Variants in PLPPR5 observed in about 807,000 individuals in gnomAD.
PLPPR5 encodes the protein phospholipid phosphatase-related protein type 5.
In PLPPR5, 16 loss-of-function variants were observed where a neutral mutation model predicts 33.9. The observed-to-expected ratio is 0.47, with a 90% confidence interval of 0.32 to 0.72. PLPPR5 has a LOEUF of 0.72. Among genes scored for constraint, PLPPR5 ranks in the 30% least tolerant of loss-of-function variants. The pLI is 0.03. For missense variants in PLPPR5, 301 were observed against 406.7 expected, an observed-to-expected ratio of 0.74 and a Z score of 2.23; for synonymous variants, 163 against 150.3, an observed-to-expected ratio of 1.08 and a Z score of -0.62.
intron 1 of PLPPR5, among the ~76,000 whole-genome samples, chr1:98,978,115 CA>C (rs1472655364): frequency 6.6e-6 from 1 of 151,926 alleles, no homozygotes; most frequent in African/African-American, 2.4e-5. Flanking sequence ...CTGGCATCGA[CA>C]ATGATTACAT....
intron 1 of PLPPR5, among the ~76,000 whole-genome samples, chr1:98,989,152 T>C (rs1224365611): frequency 1.6e-4 from 25 of 152,104 alleles, no homozygotes; most frequent in Admixed American, 1.5e-3. Context: ...AGGAACTCAG[T>C]TGCAAAAAGT....
intron 1 of PLPPR5, among the ~76,000 whole-genome samples, chr1:99,003,167 A>G (rs1285030188): frequency 6.7e-6 from 1 of 148,770 alleles, no homozygotes; most frequent in Non-Finnish European, 1.5e-5. Context: ...GAAGTCAACT[A>G]TCACAGGACA....
chr1:98,916,693 A>G (rs1285883376), intron 4 of PLPPR5, among the ~76,000 whole-genome samples: 1 of 152,226 alleles, frequency 6.6e-6, no homozygotes, highest in Non-Finnish European at 1.5e-5. Context: ...CACTGCTCTA[A>G]AATACAAAGG....
intron 1 of PLPPR5, among the ~76,000 whole-genome samples, chr1:99,001,478 C>T (rs1310155689): frequency 6.6e-6 from 1 of 151,606 alleles, no homozygotes; most frequent in African/African-American, 2.4e-5. Context: ...GGATTTAAAT[C>T]CAAATTTACT....
chr1:98,984,289 C>T (rs1466464502), intron 1 of PLPPR5, among the ~76,000 whole-genome samples: 2 of 151,954 alleles, frequency 1.3e-5, no homozygotes, highest in Non-Finnish European at 2.9e-5. Flanking sequence ...GCAGTCTTTC[C>T]CTCCTAGGAT....
At chr1:98,998,215 T>C (rs562848106) in intron 1 of PLPPR5, among the ~76,000 whole-genome samples, 9 of 151,718 alleles carry the variant, frequency 5.9e-5, no homozygotes, top group South Asian at 2.1e-4. Flanking sequence ...CAAGAAGGAG[T>C]CACTGCACCC....
At chr1:98,990,310 A>G (rs1027817325) in intron 1 of PLPPR5, among the ~76,000 whole-genome samples, 7 of 152,180 alleles carry the variant, frequency 4.6e-5, no homozygotes, top group Non-Finnish European at 1.0e-4. Context: ...TGGAGGTTAC[A>G]GTGAGCTGAG....
rs896615083 is a variant in PLPPR5 at position 98,892,466 on chromosome 1, TATGA to T, written c.*602_*605del. 2.0e-5 allele frequency: 3 copies of T among 152,552 alleles called. No homozygotes were observed. The highest frequency in any genetic ancestry group is 7.2e-5 in the African/African-American group (3 of 41,424). The allele number at this position is 152,552 out of a possible 1,614,324, so 9.4% of individuals were successfully genotyped here. On this transcript the variant is annotated 3_prime_UTR_variant, in exon 6 of 6. Coordinates refer to ENST00000263177, the MANE Select transcript of PLPPR5 (RefSeq NM_001037317.2). ...GAAGCACCAGTCTTAGAATGTATAGTATGAATAGTATTTTAAGTGAAATATAACA... is the reference window on the plus strand; with the variant it reads ...GAAGCACCAGTCTTAGAATGTATAGTATAGTATTTTAAGTGAAATATAACA...
intron 5 of PLPPR5, among the ~76,000 whole-genome samples, chr1:98,911,098 G>T (rs1029517252): frequency 5.3e-5 from 8 of 152,064 alleles, no homozygotes; most frequent in Non-Finnish European, 1.2e-4. Flanking sequence ...AGTTACAAAG[G>T]CAAGCCTGAG....
chr1:98,996,246 C>T (rs1652629220), intron 1 of PLPPR5, among the ~76,000 whole-genome samples: 1 of 151,970 alleles, frequency 6.6e-6, no homozygotes, highest in Non-Finnish European at 1.5e-5. Context: ...ATACAAGAAA[C>T]TACAAATGTA....
At chr1:98,957,079 C>G (rs968053440) in intron 1 of PLPPR5, among the ~76,000 whole-genome samples, 1 of 150,994 alleles carries the variant, frequency 6.6e-6, no homozygotes, top group Non-Finnish European at 1.5e-5. Flanking sequence ...AGTAAACTAT[C>G]GCAAGAACAA....
At chr1:98,911,837 G>A (rs1028783629) in intron 5 of PLPPR5, among the ~76,000 whole-genome samples, 3 of 151,874 alleles carry the variant, frequency 2.0e-5, no homozygotes, top group African/African-American at 7.3e-5. Context: ...ATAGTGCACT[G>A]CAGCCTTGAA....
intron 1 of PLPPR5, among the ~76,000 whole-genome samples, chr1:98,993,445 A>C (rs1367838628): frequency 1.3e-5 from 2 of 152,122 alleles, no homozygotes; most frequent in Non-Finnish European, 2.9e-5. Context: ...CAGAGAGAAG[A>C]GGAAATAAAG....
At chr1:98,970,286 C>G (rs1195685304) in intron 1 of PLPPR5, among the ~76,000 whole-genome samples, 3 of 152,012 alleles carry the variant, frequency 2.0e-5, no homozygotes, top group Non-Finnish European at 4.4e-5. Flanking sequence ...AACATAAACT[C>G]ATTTTGCAGT....
At position 99,004,351 on chromosome 1, in the gene PLPPR5, C is replaced by T. The variant is rs141995032; in HGVS notation, c.237+84G>A. 5.4e-4 allele frequency: 664 copies of T among 1,220,844 alleles called. 5 individuals are homozygous for T. In the East Asian group the frequency reaches 0.012, roughly 23 times the overall value. The allele number at this position is 1,220,844 out of a possible 1,614,324, so 75.6% of individuals were successfully genotyped here. A position where few individuals can be genotyped will look rare whatever the true frequency, so the allele number is the denominator to read the frequency against. ...ACTTAGAAGGCAAAACCTACTGCGCCCCAACCCTTAGAGGGGCCTCAACCC... is the reference window on the plus strand; with the variant it reads ...ACTTAGAAGGCAAAACCTACTGCGCTCCAACCCTTAGAGGGGCCTCAACCC... On this transcript the variant is annotated intron_variant, in intron 1 of 5. Coordinates refer to ENST00000263177, the MANE Select transcript of PLPPR5 (RefSeq NM_001037317.2).
At chr1:98,943,614 A>C (rs1650456118) in intron 3 of PLPPR5, among the ~76,000 whole-genome samples, 1 of 152,212 alleles carries the variant, frequency 6.6e-6, no homozygotes, top group African/African-American at 2.4e-5. Flanking sequence ...ACAATACTTG[A>C]CAAGAGGAGT....
chr1:98,920,053 G>A (rs1649488307), intron 4 of PLPPR5, among the ~76,000 whole-genome samples: 1 of 152,116 alleles, frequency 6.6e-6, no homozygotes, highest in South Asian at 2.1e-4. Flanking sequence ...TTTCCTGAGA[G>A]TATGGGAATG....
chr1:98,912,066 G>A (rs761345554), intron 5 of PLPPR5, among the ~76,000 whole-genome samples: 3 of 152,030 alleles, frequency 2.0e-5, no homozygotes, highest in Non-Finnish European at 4.4e-5. Context: ...ACTATCCCTG[G>A]GCTAAATTCT....
intron 1 of PLPPR5, among the ~76,000 whole-genome samples, chr1:98,985,844 C>T (rs932969521): frequency 6.6e-6 from 1 of 152,038 alleles, no homozygotes; most frequent in African/African-American, 2.4e-5. Flanking sequence ...TGTAAGTACA[C>T]TTCATGATGT....
Sources: allele counts gnomAD v4.1 joint callset (sites outside exome capture counted in the v4.1 genomes callset), GRCh38; gene constraint gnomAD v4.1.1; transcripts MANE v1.5; gene names NCBI Gene and HGNC (gene_info 2026-07-23, HGNC 2026-07-21).